Variants in SLC26A7 observed in about 807,000 individuals in gnomAD.
SLC26A7 encodes anion exchange transporter.
In SLC26A7, 59 loss-of-function variants were observed where a neutral mutation model predicts 82.5. The ratio of observed to expected loss-of-function variants is 0.72; its 90% CI spans 0.58 to 0.89. SLC26A7 has a LOEUF of 0.89. Among genes scored for constraint, SLC26A7 ranks in the 40% least tolerant of loss-of-function variants. The probability of loss-of-function intolerance (pLI) is 0.00; values close to 1 mark genes in which losing one functional copy is unlikely to be tolerated. For synonymous variants in SLC26A7, 271 were observed against 274.3 expected (o/e 0.99, Z 0.12); for missense variants, 820 against 793.0 (o/e 1.03, Z -0.41).
At chr8:91,261,404 G>A (rs1810961490) in intron 2 of SLC26A7, among the ~76,000 whole-genome samples, 1 of 152,000 alleles carries the variant, frequency 6.6e-6, no homozygotes, top group Non-Finnish European at 1.5e-5. Context: ...TTAAGGGTGG[G>A]AACATTTTCT....
chr8:91,279,972 G>T (rs1231738350), intron 2 of SLC26A7, among the ~76,000 whole-genome samples: 3 of 152,094 alleles, frequency 2.0e-5, no homozygotes, highest in African/African-American at 2.4e-5. Context: ...TCTTGCTCTT[G>T]AGTTGTTTGA....
chr8:91,285,630 G>C (rs947501620), intron 2 of SLC26A7, among the ~76,000 whole-genome samples: 4 of 152,302 alleles, frequency 2.6e-5, no homozygotes, highest in African/African-American at 9.6e-5. Flanking sequence ...CATTTCTGGG[G>C]CAGTAAATTC....
chr8:91,217,380 A>G (rs997137427), intron 1 of SLC26A7, among the ~76,000 whole-genome samples: 1 of 152,090 alleles, frequency 6.6e-6, no homozygotes, highest in Non-Finnish European at 1.5e-5. Flanking sequence ...TCCTTTATTT[A>G]TTATCTCTGC....
At chr8:91,213,050 CT>C (rs2130649104) in intron 1 of SLC26A7, among the ~76,000 whole-genome samples, 2 of 152,150 alleles carry the variant, frequency 1.3e-5, no homozygotes, top group South Asian at 4.1e-4. Flanking sequence ...TCTAAATAAT[CT>C]TACATTTTAT....
intron 2 of SLC26A7, among the ~76,000 whole-genome samples, chr8:91,242,007 T>C (rs1306345731): frequency 1.3e-5 from 2 of 152,180 alleles, no homozygotes; most frequent in Admixed American, 1.3e-4. Context: ...TCAGTAAATA[T>C]TTTTTAGACT....
chr8:91,255,181 CTTT>C (rs947270245), intron 2 of SLC26A7, among the ~76,000 whole-genome samples: 1 of 151,612 alleles, frequency 6.6e-6, no homozygotes, highest in Admixed American at 6.6e-5. Context: ...CTCACCTAGA[CTTT>C]TTTTTTCCCA....
chr8:91,291,257 C>G (rs929557346), intron 3 of SLC26A7, among the ~76,000 whole-genome samples: 5 of 152,106 alleles, frequency 3.3e-5, no homozygotes, highest in African/African-American at 1.2e-4. Flanking sequence ...TGTGAGATCA[C>G]AGATTAAAAG....
intron 15 of SLC26A7, among the ~76,000 whole-genome samples, chr8:91,376,982 A>C (rs1014212762): frequency 2.0e-5 from 3 of 151,790 alleles, no homozygotes; most frequent in African/African-American, 7.3e-5. Flanking sequence ...CCCTCTGTCC[A>C]CTCCCACTAA....
chr8:91,370,989 G>C (rs1814343336), intron 15 of SLC26A7, among the ~76,000 whole-genome samples: 1 of 151,418 alleles, frequency 6.6e-6, no homozygotes, highest in Admixed American at 6.6e-5. Context: ...TTGAATTTTT[G>C]GAAATAATTT....
intron 2 of SLC26A7, among the ~76,000 whole-genome samples, chr8:91,243,134 C>G (rs1810496408): frequency 6.6e-6 from 1 of 152,126 alleles, no homozygotes; most frequent in Admixed American, 6.5e-5. Flanking sequence ...TTTTGTATCA[C>G]ATTCTAAAGT....
chr8:91,260,429 A>G (rs1339311785), intron 2 of SLC26A7, among the ~76,000 whole-genome samples: 2 of 152,086 alleles, frequency 1.3e-5, no homozygotes, highest in African/African-American at 4.8e-5. Flanking sequence ...GGGGACACAG[A>G]GCTAAACCAT....
chr8:91,344,615 G>A (rs1431251733), intron 9 of SLC26A7, among the ~76,000 whole-genome samples: 3 of 152,170 alleles, frequency 2.0e-5, no homozygotes, highest in Non-Finnish European at 4.4e-5. Flanking sequence ...TCATATCAAT[G>A]TATCATAGAG....
At chr8:91,212,438 C>G (rs887669552) in intron 1 of SLC26A7, among the ~76,000 whole-genome samples, 11 of 152,144 alleles carry the variant, frequency 7.2e-5, no homozygotes, top group African/African-American at 2.4e-5. Context: ...GTAATTAAAA[C>G]TACCCTCAAA....
intron 2 of SLC26A7, among the ~76,000 whole-genome samples, chr8:91,221,298 T>G (rs575755333): frequency 6.6e-6 from 1 of 152,240 alleles, no homozygotes; most frequent in East Asian, 1.9e-4. Flanking sequence ...GATTGCAAAA[T>G]TTTGGTCCCA....
chr8:91,219,075 T>A, intron 2 of SLC26A7: 1 of 660,864 alleles, frequency 1.5e-6, no homozygotes, highest in Non-Finnish European at 2.5e-6. Context: ...ATGCCCTACT[T>A]AAGATACCAT....
intron 6 of SLC26A7, among the ~76,000 whole-genome samples, chr8:91,335,268 T>C (rs1813209649): frequency 6.6e-6 from 1 of 152,138 alleles, no homozygotes; most frequent in Non-Finnish European, 1.5e-5. Context: ...GGCTAGCACA[T>C]TGCAATTGAC....
At chr8:91,340,303 C>T in intron 7 of SLC26A7, 101 bp from the exon 8 acceptor site, 3 of 1,413,004 alleles carry the variant, frequency 2.1e-6, no homozygotes, top group African/African-American at 1.4e-5. Context: ...TTCACTTAGT[C>T]TATGTAAACT....
intron 7 of SLC26A7, 128 bp from the exon 8 acceptor site, chr8:91,340,276 G>A (rs948079122): frequency 6.9e-6 from 8 of 1,160,044 alleles, no homozygotes; most frequent in Non-Finnish European, 8.5e-6. Context: ...AAGGCTGCTT[G>A]GTTTTCTCAT....
At chr8:91,255,273 G>A (rs536264575) in intron 2 of SLC26A7, among the ~76,000 whole-genome samples, 5 of 152,056 alleles carry the variant, frequency 3.3e-5, no homozygotes, top group Non-Finnish European at 7.4e-5. Flanking sequence ...AAAGATGGAT[G>A]TTCCTTATAA....
Sources: gnomAD v4.1 joint callset for allele counts (sites outside exome capture counted in the v4.1 genomes callset) on GRCh38, gnomAD v4.1.1 for gene constraint, MANE v1.5 for transcripts, NCBI Gene and HGNC (gene_info 2026-07-23, HGNC 2026-07-21) for gene names.